PCDHGA9: variants seen among roughly 807,000 people sequenced by gnomAD.
The protein encoded by PCDHGA9 is protocadherin gamma subfamily A, 9, also known as protocadherin gamma-A9.
A neutral mutation model predicts 62.5 loss-of-function variants in PCDHGA9; 37 were observed. The ratio of observed to expected loss-of-function variants is 0.59; its 90% CI spans 0.46 to 0.78. The LOEUF (loss-of-function observed/expected upper bound fraction) is 0.78. Among genes scored for constraint, PCDHGA9 ranks in the 30% least tolerant of loss-of-function variants. PCDHGA9 has a pLI of 0.00. For synonymous variants in PCDHGA9, 459 were observed against 484.6 expected (o/e 0.95, Z 0.69); for missense variants, 1,138 against 1,166.2 (o/e 0.98, Z 0.35).
intron 1 of PCDHGA9, among the ~76,000 whole-genome samples, chr5:141,483,644 G>GTGTT (rs919432945): frequency 6.8e-6 from 1 of 146,522 alleles, no homozygotes; most frequent in Non-Finnish European, 1.5e-5. Flanking sequence ...AGAGGGGTGT[G>GTGTT]TGTTTGTGTG....
At chr5:141,418,933 G>A in intron 1 of PCDHGA9, 2 of 1,614,010 alleles carry the variant, frequency 1.2e-6, no homozygotes, top group Non-Finnish European at 1.7e-6. Flanking sequence ...AGATTATGGA[G>A]GATTCCCCTC....
chr5:141,417,226 T>A (rs966071761), intron 1 of PCDHGA9: 4 of 152,134 alleles, frequency 2.6e-5, no homozygotes, highest in Admixed American at 1.3e-4. Flanking sequence ...GACAAAAAAA[T>A]TTGTTGCTTA....
At chr5:141,478,794 G>A in intron 1 of PCDHGA9, 1 of 1,468,126 alleles carries the variant, frequency 6.8e-7, no homozygotes, top group Non-Finnish European at 9.0e-7. Flanking sequence ...CACATCCTCA[G>A]CACTCTTTTG....
intron 1 of PCDHGA9, chr5:141,430,857 A>T: frequency 6.3e-7 from 1 of 1,591,434 alleles, no homozygotes; most frequent in Non-Finnish European, 8.5e-7. Flanking sequence ...CAGATACGCT[A>T]TTCAGTTCCG....
In PCDHGA9 at chr5:141,485,079, A is replaced by C; in HGVS notation, c.2425-9728A>C. ...AACCGCGCCAGAGCTGGCGCGGGGA[A>C]AGGGAGATAGGTGTCTCCAGCTGCT... is the stretch of plus-strand genomic sequence containing the variant. On this transcript the variant is annotated intron_variant, in intron 1 of 3. Transcript: ENST00000573521. This position sits in a 1 kb window ranked among gnomAD's most constrained non-coding sequence, Gnocchi z 5.7. 1 of 949,456 alleles carries C rather than the reference A, an allele frequency of 1.1e-6. No individual in the cohort carries two copies. The highest frequency in any genetic ancestry group is 1.6e-6 in the Non-Finnish European group (1 of 614,758). 58.8% of individuals were successfully genotyped at this position (949,456 alleles called of 1,614,324 possible).
chr5:141,449,283 A>C (rs937339676), intron 1 of PCDHGA9, among the ~76,000 whole-genome samples: 1 of 152,102 alleles, frequency 6.6e-6, no homozygotes, highest in African/African-American at 2.4e-5. Flanking sequence ...CTTCACCCGG[A>C]TGCACCGGGT....
chr5:141,460,333 G>A (rs2098986532), intron 1 of PCDHGA9, among the ~76,000 whole-genome samples: 1 of 152,056 alleles, frequency 6.6e-6, no homozygotes, highest in African/African-American at 2.4e-5. Context: ...AACTTATGAT[G>A]ATTTTCTCCT....
Position 141,491,436 on chromosome 5 carries a change from G to A in PCDHGA9, c.2425-3371G>A, listed in dbSNP as rs771884610. ...ACGGGGGTGGAGGGCAGTGCTGCAG[G>A]CGCCAGGACTCACCCTCCCCGGACT... On this transcript the variant is annotated intron_variant, in intron 1 of 3. Coordinates refer to ENST00000573521, the MANE Select transcript of PCDHGA9 (RefSeq NM_018921.3). This position sits in a 1 kb window ranked among gnomAD's most constrained non-coding sequence, Gnocchi z 6.9. 1 of 1,614,070 alleles carries A rather than the reference G, an allele frequency of 6.2e-7. No individual in the cohort carries two copies. The highest frequency in any genetic ancestry group is 8.5e-7 in the Non-Finnish European group (1 of 1,180,034).
intron 1 of PCDHGA9, among the ~76,000 whole-genome samples, chr5:141,455,904 TTTATTTA>T: frequency 6.8e-6 from 1 of 147,982 alleles, no homozygotes. Flanking sequence ...TATTTATTTA[TTTATTTA>T]TTTTGAGACG....
chr5:141,414,078 T>C lies in PCDHGA9; in HGVS notation c.2424+8702T>C, dbSNP rs777190406. 3.1e-6 allele frequency: 5 copies of C among 1,603,326 alleles called. No individual in the cohort carries two copies. In the South Asian group the frequency reaches 4.5e-5, roughly 14 times the overall value. ...TGTTGAAGTTCCAACTAAACAAATA[T>C]ACTGGAGAAATAAAAATATCAGAAA... On this transcript the variant is annotated intron_variant, in intron 1 of 3. Transcript: ENST00000573521.
In PCDHGA9 at chr5:141,476,628, C is replaced by T. The variant is rs899753438; in HGVS notation, c.2425-18179C>T. 6.2e-6 allele frequency: 10 copies of T among 1,614,160 alleles called. No individual in the cohort carries two copies. The highest frequency in any genetic ancestry group is 7.6e-6 in the Non-Finnish European group (9 of 1,180,068). On this transcript the variant is annotated intron_variant, in intron 1 of 3. Coordinates refer to ENST00000573521, the MANE Select transcript of PCDHGA9 (RefSeq NM_018921.3). The surrounding 1 kb of genome is among the most constrained non-coding windows in gnomAD (Gnocchi z 7.6). ...GATGTGGGAAGCAACTCTTTACAAACCTATGAGCTGAGCCGAAATGAATAC... is the reference window on the plus strand; with the variant it reads ...GATGTGGGAAGCAACTCTTTACAAATCTATGAGCTGAGCCGAAATGAATAC...
At chr5:141,409,988 G>GC (rs1561724887) in intron 1 of PCDHGA9, 1 of 1,613,278 alleles carries the variant, frequency 6.2e-7, no homozygotes, top group Non-Finnish European at 8.5e-7. Flanking sequence ...AGCGGTGGAC[G>GC]CCGACTCGGG....
chr5:141,444,265 A>G (rs1355824197), intron 1 of PCDHGA9, among the ~76,000 whole-genome samples: 3 of 133,712 alleles, frequency 2.2e-5, no homozygotes, highest in Non-Finnish European at 3.1e-5. Flanking sequence ...TCCGCCTCCC[A>G]GGTTCAAGTG....
At chr5:141,419,146 G>A in intron 1 of PCDHGA9, 1 of 1,613,922 alleles carries the variant, frequency 6.2e-7, no homozygotes, top group Non-Finnish European at 8.5e-7. Context: ...ACAGGGGCAA[G>A]CCTCCGTTAT....
At chr5:141,423,277 A>G (rs749771302) in intron 1 of PCDHGA9, 4 of 1,613,988 alleles carry the variant, frequency 2.5e-6, no homozygotes, top group Non-Finnish European at 8.5e-7. Flanking sequence ...GTCTCTGGCT[A>G]ACTCTGAAAC....
At chr5:141,406,870 G>T (rs903338003) in intron 1 of PCDHGA9, among the ~76,000 whole-genome samples, 1 of 152,230 alleles carries the variant, frequency 6.6e-6, no homozygotes, top group Non-Finnish European at 1.5e-5. Flanking sequence ...CTCAGGAACT[G>T]CTGGGAAGAT....
chr5:141,454,740 G>GAGGCC (rs2098797560), intron 1 of PCDHGA9, among the ~76,000 whole-genome samples: 1 of 147,160 alleles, frequency 6.8e-6, no homozygotes, highest in Non-Finnish European at 1.5e-5. Flanking sequence ...AGGATGAAAA[G>GAGGCC]AGGCCAAACT....
chr5:141,494,434 T>A (rs976526647), intron 1 of PCDHGA9, among the ~76,000 whole-genome samples: 2 of 152,166 alleles, frequency 1.3e-5, no homozygotes, highest in Middle Eastern at 3.2e-3. Flanking sequence ...AAAAGCCTCC[T>A]TTGCCACTTT....
chr5:141,427,260 AC>A (rs1388196814), intron 1 of PCDHGA9: 1 of 456,770 alleles, frequency 2.2e-6, no homozygotes, highest in Admixed American at 2.3e-5. Flanking sequence ...TGGAGGCATG[AC>A]CAGCGAATGT....
Sources: allele counts gnomAD v4.1 joint callset (sites outside exome capture counted in the v4.1 genomes callset), GRCh38; gene constraint gnomAD v4.1.1; non-coding constraint Gnocchi (gnomAD v3.1); transcripts MANE v1.5; gene names NCBI Gene and HGNC (gene_info 2026-07-23, HGNC 2026-07-21).